TEX9: variants seen among roughly 807,000 people sequenced by gnomAD.
TEX9 encodes testis-expressed protein 9.
Under a neutral mutation model 59.6 loss-of-function variants are expected in TEX9, and 74 were observed. The ratio of observed to expected loss-of-function variants is 1.24; its 90% CI spans 1.03 to 1.51. The LOEUF is 1.51. Ranked by LOEUF, TEX9 falls within the 40% of genes most tolerant of loss-of-function variation. The probability of loss-of-function intolerance (pLI) is 0.00; values close to 1 mark genes in which losing one functional copy is unlikely to be tolerated. For missense variants in TEX9, 522 were observed against 447.8 expected (o/e 1.17, Z -1.49); for synonymous variants, 186 against 152.2 (o/e 1.22, Z -1.64).
chr15:56,312,945 TTGTC>T (rs1365717350), intron 1 of TEX9, among the ~76,000 whole-genome samples: 1 of 131,092 alleles, frequency 7.6e-6, no homozygotes, highest in Non-Finnish European at 1.6e-5. Flanking sequence ...GGCTCTCTGT[TTGTC>T]TGTTGTTGGT....
At chr15:56,337,489 C>G (rs1596100679) in intron 1 of TEX9, among the ~76,000 whole-genome samples, 2 of 152,290 alleles carry the variant, frequency 1.3e-5, no homozygotes, top group Middle Eastern at 3.4e-3. Flanking sequence ...GTGCAAGCAA[C>G]CGTAACTGGG....
chr15:56,434,014 T>C (rs72742658), intron 12 of TEX9: 70,478 of 1,053,342 alleles, frequency 0.067, 2,845 homozygotes, highest in Admixed American at 0.12. Flanking sequence ...AATTTATATA[T>C]ATATTAGTAA....
At chr15:56,378,276 T>C (rs1360089030) in intron 3 of TEX9, among the ~76,000 whole-genome samples, 1 of 152,198 alleles carries the variant, frequency 6.6e-6, no homozygotes, top group Non-Finnish European at 1.5e-5. Flanking sequence ...ATTTTTGGAA[T>C]AGTTTGAGTT....
chr15:56,318,738 T>G (rs1364910796), intron 1 of TEX9, among the ~76,000 whole-genome samples: 1 of 152,162 alleles, frequency 6.6e-6, no homozygotes, highest in African/African-American at 2.4e-5. Context: ...ACATCTTAAC[T>G]TAAGCAATCA....
chr15:56,262,690 T>C (rs546463837), intron 1 of TEX9, among the ~76,000 whole-genome samples: 2 of 152,360 alleles, frequency 1.3e-5, no homozygotes, highest in East Asian at 3.9e-4. Context: ...CTCTTGCATC[T>C]AACACACCAG....
chr15:56,281,116 A>G (rs761215373), intron 1 of TEX9, among the ~76,000 whole-genome samples: 4 of 152,204 alleles, frequency 2.6e-5, no homozygotes, highest in Admixed American at 6.5e-5. Context: ...CTTCAGCATT[A>G]GCAAAATTGC....
chr15:56,385,483 G>C (rs2047918889), intron 4 of TEX9, among the ~76,000 whole-genome samples: 1 of 152,106 alleles, frequency 6.6e-6, no homozygotes, highest in South Asian at 2.1e-4. Context: ...GGGTAAAATG[G>C]CCCATGGCAA....
At chr15:56,280,891 A>AC (rs1193985479) in intron 1 of TEX9, among the ~76,000 whole-genome samples, 7 of 152,226 alleles carry the variant, frequency 4.6e-5, no homozygotes. Context: ...AGTAATTTCA[A>AC]CCATGTGCTG....
intron 1 of TEX9, among the ~76,000 whole-genome samples, chr15:56,334,364 A>G (rs1372306213): frequency 6.6e-6 from 1 of 152,212 alleles, no homozygotes; most frequent in Non-Finnish European, 1.5e-5. Context: ...GTACACCTAC[A>G]GTGAACTCAT....
At chr15:56,431,270 G>C in intron 12 of TEX9, 1 of 1,359,992 alleles carries the variant, frequency 7.4e-7, no homozygotes, top group Non-Finnish European at 1.0e-6. Context: ...CTTCATAACC[G>C]AGCAAGAAGT....
chr15:56,366,111 C>G (rs796517444), intron 2 of TEX9, among the ~76,000 whole-genome samples: 4 of 152,286 alleles, frequency 2.6e-5, no homozygotes, highest in South Asian at 2.1e-4. Flanking sequence ...AATTACCATT[C>G]TCGTTCAAAT....
chr15:56,266,134 C>CA (rs1464281002), intron 1 of TEX9, among the ~76,000 whole-genome samples: 2 of 147,546 alleles, frequency 1.4e-5, no homozygotes, highest in Non-Finnish European at 3.0e-5. Flanking sequence ...TAATTTCTCT[C>CA]TTTTTTTTTT....
intron 9 of TEX9, among the ~76,000 whole-genome samples, chr15:56,404,838 T>C (rs915816060): frequency 2.0e-5 from 3 of 152,098 alleles, no homozygotes; most frequent in Non-Finnish European, 4.4e-5. Context: ...TGCAGGGACA[T>C]AGATGAAGCT....
the TEX9 span, among the ~76,000 whole-genome samples, chr15:56,460,005 A>ATATATATATATATATATATATAT: frequency 3.3e-5 from 1 of 30,538 alleles, no homozygotes; most frequent in African/African-American, 1.2e-4. Flanking sequence ...AAAAAAAAAA[A>ATATATATATATATATATATATAT]AAAAATACAT....
intron 9 of TEX9, chr15:56,395,754 G>C (rs1332353176): frequency 6.6e-6 from 1 of 152,018 alleles, no homozygotes; most frequent in Non-Finnish European, 1.5e-5. Context: ...GTGCTTATTG[G>C]CATTTGTATA....
chr15:56,398,338 T>C (rs1279341402), intron 9 of TEX9: 1 of 52,830 alleles, frequency 1.9e-5, no homozygotes, highest in Non-Finnish European at 4.8e-5. Flanking sequence ...TTTACCTGTT[T>C]GTTTTACCTT....
chr15:56,291,862 T>C (rs2465973), intron 1 of TEX9, among the ~76,000 whole-genome samples: 52,316 of 152,062 alleles, frequency 0.34, 10,337 homozygotes, highest in Non-Finnish European at 0.44. Flanking sequence ...CCACATAACA[T>C]GTCCTATAAC....
chr15:56,283,135 G>A (rs2044860207), intron 1 of TEX9, among the ~76,000 whole-genome samples: 2 of 151,184 alleles, frequency 1.3e-5, no homozygotes, highest in South Asian at 4.2e-4. Context: ...GTTAACAGTG[G>A]TCCCCAATGA....
intron 1 of TEX9, among the ~76,000 whole-genome samples, chr15:56,303,343 A>C (rs1309064243): frequency 6.6e-6 from 1 of 152,208 alleles, no homozygotes; most frequent in Non-Finnish European, 1.5e-5. Context: ...GAAAAATTGA[A>C]ATAATATCAA....
Sources: gnomAD v4.1 joint callset for allele counts (sites outside exome capture counted in the v4.1 genomes callset) on GRCh38, gnomAD v4.1.1 for gene constraint, MANE v1.5 for transcripts, NCBI Gene and HGNC (gene_info 2026-07-23, HGNC 2026-07-21) for gene names.